EIF3D: variants seen among roughly 807,000 people sequenced by gnomAD.
EIF3D encodes eIF3 p66.
In EIF3D, 10 loss-of-function variants were observed where a neutral mutation model predicts 75.4. The observed-to-expected ratio is 0.13, with a 90% confidence interval of 0.08 to 0.22. The LOEUF is 0.22. Ranked by LOEUF, EIF3D falls within the 10% of genes least tolerant of loss-of-function variation. EIF3D has a pLI of 1.00. For synonymous variants in EIF3D, 246 were observed against 248.3 expected (o/e 0.99, Z 0.09); for missense variants, 394 against 708.0 (o/e 0.56, Z 5.03).
intron 8 of EIF3D, 42 bp downstream of exon 8, chr22:36,519,363 G>A: frequency 6.2e-7 from 1 of 1,611,724 alleles, no homozygotes; most frequent in Non-Finnish European, 8.5e-7. Flanking sequence ...GAAGCCGACA[G>A]CATTCCTAAC....
intron 7 of EIF3D, among the ~76,000 whole-genome samples, chr22:36,520,176 G>C (rs1164938166): frequency 1.4e-5 from 2 of 147,838 alleles, no homozygotes; most frequent in Non-Finnish European, 3.0e-5. Context: ...TTTTTTTTGA[G>C]ATGGAGTTTC....
chr22:36,513,022 G>A (rs185626929), intron 12 of EIF3D: 1 of 158,174 alleles, frequency 6.3e-6, no homozygotes, highest in East Asian at 1.9e-4. Flanking sequence ...GTCTTGATCT[G>A]AGAGGCATGG....
intron 12 of EIF3D, among the ~76,000 whole-genome samples, chr22:36,515,294 C>T (rs747793712): frequency 1.3e-5 from 2 of 152,162 alleles, no homozygotes; most frequent in African/African-American, 2.4e-5. Flanking sequence ...TTTGGGAGGC[C>T]GAGGCAGGCA....
rs574150468 is a variant in EIF3D, at chr22:36,522,665, G to T, written c.465+544C>A. Among the ~76,000 whole-genome samples, 50 of 151,258 alleles carry T rather than the reference G, an allele frequency of 3.3e-4. No homozygotes were observed. In the South Asian group the frequency reaches 0.01, roughly 31 times the overall value. On this transcript the variant is annotated intron_variant, in intron 6 of 14. Coordinates refer to ENST00000216190, the MANE Select transcript of EIF3D (RefSeq NM_003753.4). ...TGCCTACTGCTGGGCTACTGGGGGT[G>T]CTGGTGTTTGGGTGTGCCTCCTGGA...
At position 36,524,578 on chromosome 22, in the gene EIF3D, T is replaced by G. The variant is rs771774309; in HGVS notation, c.306+18A>C. 1 of 1,613,968 alleles carries G rather than the reference T, an allele frequency of 6.2e-7. No individual in the cohort carries two copies. The highest frequency in any genetic ancestry group is 8.5e-7 in the Non-Finnish European group (1 of 1,179,992). On this transcript the variant is annotated intron_variant, in intron 4 of 14. Transcript: ENST00000216190. ...AGTAACAGCCCCAAGATGGTGTGGTTGCTGGCTCTTGGCCTACCTGGGCAA... is the reference window on the plus strand; with the variant it reads ...AGTAACAGCCCCAAGATGGTGTGGTGGCTGGCTCTTGGCCTACCTGGGCAA...
chr22:36,521,632 A>C (rs1309399603), intron 6 of EIF3D, among the ~76,000 whole-genome samples: 1 of 152,180 alleles, frequency 6.6e-6, no homozygotes, highest in East Asian at 1.9e-4. Context: ...AAACAAGAAA[A>C]GAAGCTCATC....
rs1934594748 is a variant in EIF3D at position 36,526,114 on chromosome 22, T to G, written c.8A>C (p.Lys3Thr). ...GTCCTGGATCACGGGTGTCATGAAC[T>G]TTGCCATCTTCCAAAATCTGAAAAA... MA[K>T]FMTPVIQDNP... Residue 3 changes from lysine (K) to threonine (T), a missense_variant, in exon 2 of 15, where the codon AAG becomes ACG. Lys to Thr is a moderately conservative substitution (Grantham distance 78). Transcript: ENST00000216190. 6.2e-7 allele frequency: 1 copy of G among 1,603,042 alleles called. No individual in the cohort carries two copies. The highest frequency in any genetic ancestry group is 8.5e-7 in the Non-Finnish European group (1 of 1,174,142).
At chr22:36,528,096 T>C (rs1002459059) in intron 1 of EIF3D, among the ~76,000 whole-genome samples, 3 of 152,164 alleles carry the variant, frequency 2.0e-5, no homozygotes, top group East Asian at 1.9e-4. Context: ...TTTAACACCA[T>C]TGACCACCCC....
At chr22:36,511,130 T>C in intron 14 of EIF3D, 130 bp from the exon 15 acceptor site, 1 of 1,165,374 alleles carries the variant, frequency 8.6e-7, no homozygotes, top group South Asian at 1.6e-5. Flanking sequence ...GCCTTTCAGA[T>C]GCTCACAGGG....
At chr22:36,517,682 T>C (rs1018760559) in intron 9 of EIF3D, among the ~76,000 whole-genome samples, 3 of 152,220 alleles carry the variant, frequency 2.0e-5, no homozygotes, top group African/African-American at 4.8e-5. Context: ...TTCAGTCGTT[T>C]TGGATTCCTC....
chr22:36,528,340 CAAG>C (rs1934639274), intron 1 of EIF3D, among the ~76,000 whole-genome samples: 1 of 151,898 alleles, frequency 6.6e-6, no homozygotes, highest in African/African-American at 2.4e-5. Flanking sequence ...GTCAGAAGCT[CAAG>C]AAGGGAAGAG....
rs754494146 is a variant in EIF3D at position 36,519,547 on chromosome 22, G to A, written c.579-10C>T. The A allele has an allele frequency of 6.2e-7, 1 of 1,614,098 alleles. No homozygotes were observed. Among genetic ancestry groups the A allele is most frequent in the Non-Finnish European group, 8.5e-7 (1 of 1,179,980 alleles). The stretch of plus-strand genomic sequence containing the variant: ...GGCCCCACAACACTCACTGTGGGAA[G>A]AGCAGGCAAAGACATGCAAAGTAAG... On this transcript the variant is annotated splice_polypyrimidine_tract_variant and intron_variant, in intron 7 of 14. Transcript: ENST00000216190.
chr22:36,528,756 G>C (rs1400727826), intron 1 of EIF3D: 1 of 152,548 alleles, frequency 6.6e-6, no homozygotes, highest in East Asian at 1.9e-4. Flanking sequence ...AAAAGTCAGG[G>C]AGTTTTCGGC....
intron 4 of EIF3D, 139 bp from the exon 5 acceptor site, chr22:36,524,119 G>A (rs903523350): frequency 9.6e-6 from 8 of 830,696 alleles, no homozygotes; most frequent in African/African-American, 3.3e-5. Flanking sequence ...TTCACTCTAC[G>A]GCATCAACAG....
chr22:36,516,667 C>T, intron 11 of EIF3D, 38 bp downstream of exon 11: 4 of 1,614,114 alleles, frequency 2.5e-6, no homozygotes, highest in African/African-American at 1.3e-5. Flanking sequence ...GGCCCGTGCT[C>T]CAGTCTGGCC....
chr22:36,514,014 G>A (rs1289409991), intron 12 of EIF3D, among the ~76,000 whole-genome samples: 2 of 152,170 alleles, frequency 1.3e-5, no homozygotes, highest in Admixed American at 1.3e-4. Flanking sequence ...ATGGGGCCCT[G>A]AACTAGGGCA....
At chr22:36,511,853 A>G (rs1934342876) in intron 13 of EIF3D, 67 bp from the exon 14 acceptor site, 4 of 1,569,486 alleles carry the variant, frequency 2.5e-6, no homozygotes, top group East Asian at 2.3e-5. Flanking sequence ...TTGGGATCAA[A>G]TGTCAATTAA....
intron 10 of EIF3D, 133 bp from the exon 11 acceptor site, chr22:36,516,923 C>A: frequency 1.3e-6 from 1 of 793,962 alleles, no homozygotes; most frequent in Non-Finnish European, 2.1e-6. Flanking sequence ...GCTCTGAGCT[C>A]GCTGCCTGTT....
intron 1 of EIF3D, among the ~76,000 whole-genome samples, chr22:36,528,360 G>GGCTC (rs965416486): frequency 6.6e-6 from 1 of 151,884 alleles, no homozygotes; most frequent in Non-Finnish European, 1.5e-5. Flanking sequence ...AGAGGCCCGA[G>GGCTC]GCTCGACCTG....
Sources: gnomAD v4.1 joint callset for allele counts (sites outside exome capture counted in the v4.1 genomes callset) on GRCh38, gnomAD v4.1.1 for gene constraint, MANE v1.5 for transcripts, NCBI Gene and HGNC (gene_info 2026-07-23, HGNC 2026-07-21) for gene names.